The following CD96 variants were observed in gnomAD, a reference collection of about 807,000 sequenced individuals.
CD96 encodes the protein CD96 molecule.
A neutral mutation model predicts 71.3 loss-of-function variants in CD96; 70 were observed. The ratio of observed to expected loss-of-function variants is 0.98; its 90% CI spans 0.81 to 1.20. The LOEUF (loss-of-function observed/expected upper bound fraction) is 1.20. CD96 is among the 50% of genes most tolerant of loss of function. The probability of loss-of-function intolerance (pLI) is 0.00; values close to 1 mark genes in which losing one functional copy is unlikely to be tolerated. For missense variants in CD96, 742 were observed against 677.5 expected, an observed-to-expected ratio of 1.10 and a Z score of -1.06; for synonymous variants, 248 against 233.0, an observed-to-expected ratio of 1.06 and a Z score of -0.59.
At chr3:111,660,367 G>A (rs1940326809) in intron 14 of CD96, among the ~76,000 whole-genome samples, 1 of 152,126 alleles carries the variant, frequency 6.6e-6, no homozygotes, top group South Asian at 2.1e-4. Context: ...AATCAGAGAT[G>A]ACACAAATAA....
chr3:111,606,177 A>G (rs1463341188), intron 7 of CD96, among the ~76,000 whole-genome samples: 1 of 152,174 alleles, frequency 6.6e-6, no homozygotes, highest in Non-Finnish European at 1.5e-5. Flanking sequence ...TATTATGACA[A>G]AAGTTGTCAT....
chr3:111,546,899 CACACACACACACAGACACAT>C (rs1216791646), intron 2 of CD96, among the ~76,000 whole-genome samples: 1 of 136,462 alleles, frequency 7.3e-6, no homozygotes, highest in Non-Finnish European at 1.6e-5. Context: ...ACACACCACA[CACACACACACACAGACACAT>C]ACACACACAC....
intron 14 of CD96, among the ~76,000 whole-genome samples, chr3:111,661,155 G>A (rs764493607): frequency 6.6e-6 from 1 of 152,038 alleles, no homozygotes; most frequent in Non-Finnish European, 1.5e-5. Flanking sequence ...AGAGTGAAGG[G>A]GAAAGTGCTA....
chr3:111,647,508 G>A, intron 12 of CD96, 35 bp from the exon 13 acceptor site: 3 of 1,604,830 alleles, frequency 1.9e-6, no homozygotes, highest in Non-Finnish European at 2.6e-6. Flanking sequence ...CCAAAGTTTG[G>A]GATTAAAGTT....
intron 7 of CD96, among the ~76,000 whole-genome samples, chr3:111,604,388 A>G (rs546750586): frequency 3.3e-5 from 5 of 152,266 alleles, no homozygotes; most frequent in Admixed American, 3.3e-4. Flanking sequence ...GGGTTTTGGG[A>G]AACTGTCTCT....
intron 6 of CD96, among the ~76,000 whole-genome samples, chr3:111,599,545 C>A (rs1340596290): frequency 3.3e-5 from 5 of 151,936 alleles, no homozygotes; most frequent in South Asian, 2.1e-4. Flanking sequence ...CATGGTAAAA[C>A]CCCGTCTCTA....
At chr3:111,646,262 T>C (rs1031844046) in intron 12 of CD96, among the ~76,000 whole-genome samples, 2 of 152,128 alleles carry the variant, frequency 1.3e-5, no homozygotes, top group African/African-American at 4.8e-5. Context: ...GGTATATCCA[T>C]TGAACTATCC....
At position 111,598,251 on chromosome 3, in the gene CD96, G is replaced by A. The variant is rs757161398; in HGVS notation, c.898+41G>A. Reference sequence around the variant, plus strand: ...AATGGAAATAAGTTCGGTACAAAAAGAAAGAAAACAAAGAACATTAGAAAT... The same window carrying A: ...AATGGAAATAAGTTCGGTACAAAAAAAAAGAAAACAAAGAACATTAGAAAT... On this transcript the variant is annotated intron_variant, in intron 6 of 13. Transcript: ENST00000352690. 123 of 861,452 alleles carry A rather than the reference G, an allele frequency of 1.4e-4. 1 individual carries two copies. The Middle Eastern group carries it at 2.4e-3, about 17-fold the overall frequency. The allele number at this position is 861,452 out of a possible 1,614,324, so 53.4% of individuals were successfully genotyped here. A position where few individuals can be genotyped will look rare whatever the true frequency, so the allele number is the denominator to read the frequency against.
intron 3 of CD96, chr3:111,570,651 C>T (rs987394204): frequency 2.2e-5 from 35 of 1,607,802 alleles, no homozygotes; most frequent in East Asian, 8.9e-5. Flanking sequence ...GTACATGGCC[C>T]GGGACATGAC....
rs572403503 is a variant in CD96, at chr3:111,649,977, C to T, written c.*171C>T. 2.1e-5 allele frequency: 14 copies of T among 658,280 alleles called. No individual in the cohort carries two copies. The highest frequency in any genetic ancestry group is 3.2e-5 in the South Asian group (2 of 62,002). The allele number at this position is 658,280 out of a possible 1,614,324, so 40.8% of individuals were successfully genotyped here. ...CAACTCACCCTCTTCCATCTCCAAA[C>T]GCCTGAAGCTTAACCAAGAGTGAGA... On this transcript the variant is annotated 3_prime_UTR_variant, in exon 14 of 14. Coordinates refer to ENST00000352690, the MANE Select transcript of CD96 (RefSeq NM_005816.5).
chr3:111,552,952 CA>C (rs1467026252), intron 2 of CD96, among the ~76,000 whole-genome samples: 1 of 151,946 alleles, frequency 6.6e-6, no homozygotes, highest in African/African-American at 2.4e-5. Context: ...ACAACTTCAA[CA>C]ATTATCAACT....
chr3:111,545,498 G>A (rs372913123), intron 2 of CD96, 96 bp downstream of exon 2: 2 of 828,292 alleles, frequency 2.4e-6, no homozygotes, highest in African/African-American at 1.7e-5. Context: ...TTGGTGCTCA[G>A]CATACAAAGG....
At chr3:111,596,240 T>C (rs999556001) in intron 5 of CD96, among the ~76,000 whole-genome samples, 2 of 149,996 alleles carry the variant, frequency 1.3e-5, no homozygotes, top group African/African-American at 4.9e-5. Context: ...GCAGAAAATA[T>C]GTAGAGGTTG....
chr3:111,636,520 C>T (rs537110948), intron 10 of CD96, among the ~76,000 whole-genome samples: 1 of 152,222 alleles, frequency 6.6e-6, no homozygotes, highest in East Asian at 1.9e-4. Context: ...GTGGTGTCTG[C>T]CAAGGAGTGA....
At chr3:111,549,542 G>A (rs1030284632) in intron 2 of CD96, among the ~76,000 whole-genome samples, 7 of 152,126 alleles carry the variant, frequency 4.6e-5, no homozygotes, top group Non-Finnish European at 8.8e-5. Flanking sequence ...CGATAGTGTG[G>A]ATCAGTTAGA....
intron 8 of CD96, among the ~76,000 whole-genome samples, chr3:111,609,904 C>T (rs1230603013): frequency 6.6e-6 from 1 of 152,092 alleles, no homozygotes; most frequent in Non-Finnish European, 1.5e-5. Context: ...TGGGTTGTCA[C>T]AATGAGGGTA....
At chr3:111,665,291 A>G (rs1344661042) in intron 14 of CD96, among the ~76,000 whole-genome samples, 1 of 152,134 alleles carries the variant, frequency 6.6e-6, no homozygotes, top group Non-Finnish European at 1.5e-5. Context: ...AAAGTACTTG[A>G]GCAAGACCCT....
At chr3:111,573,181 G>A (rs1398477278) in intron 3 of CD96, among the ~76,000 whole-genome samples, 1 of 152,170 alleles carries the variant, frequency 6.6e-6, no homozygotes, top group African/African-American at 2.4e-5. Context: ...ATATAGTCAT[G>A]AGGGAAGTTC....
At chr3:111,558,464 T>C (rs1935196754) in intron 2 of CD96, among the ~76,000 whole-genome samples, 1 of 106,914 alleles carries the variant, frequency 9.4e-6, no homozygotes, top group Non-Finnish European at 1.9e-5. Flanking sequence ...ATTGAGATAA[T>C]CATGTGGTTT....
Sources: gnomAD v4.1 joint callset for allele counts (sites outside exome capture counted in the v4.1 genomes callset) on GRCh38, gnomAD v4.1.1 for gene constraint, MANE v1.5 for transcripts, NCBI Gene and HGNC (gene_info 2026-07-23, HGNC 2026-07-21) for gene names.